Variants in SLC22A16 observed in about 807,000 individuals in gnomAD.
SLC22A16 encodes solute carrier family 22 member 16.
SLC22A16 carries 53 observed loss-of-function variants against 52.9 expected under a neutral mutation model. The ratio of observed to expected loss-of-function variants is 1.00; its 90% CI spans 0.80 to 1.26. The LOEUF (loss-of-function observed/expected upper bound fraction) is 1.26, where lower values mean the gene tolerates loss of function less well. Among genes scored for constraint, SLC22A16 ranks in the 50% most tolerant of loss-of-function variants. The pLI is 0.00. For synonymous variants in SLC22A16, 291 were observed against 268.8 expected, an observed-to-expected ratio of 1.08 and a Z score of -0.81; for missense variants, 726 against 704.0, an observed-to-expected ratio of 1.03 and a Z score of -0.35.
chr6:110,470,869 ATCTAGTTT>A (rs1776237523), intron 1 of SLC22A16, among the ~76,000 whole-genome samples: 1 of 152,228 alleles, frequency 6.6e-6, no homozygotes, highest in East Asian at 1.9e-4. Context: ...GCCCCAGGAT[ATCTAGTTT>A]TCTGGTTAAA....
chr6:110,459,353 G>A (rs1222915698), intron 1 of SLC22A16, among the ~76,000 whole-genome samples: 2 of 152,174 alleles, frequency 1.3e-5, no homozygotes, highest in Non-Finnish European at 2.9e-5. Context: ...ACGTCATGTG[G>A]ATATGCTGTA....
chr6:110,447,461 CT>C (rs1478731773), intron 2 of SLC22A16, among the ~76,000 whole-genome samples: 1 of 152,182 alleles, frequency 6.6e-6, no homozygotes, highest in Non-Finnish European at 1.5e-5. Flanking sequence ...AGAGGCATCT[CT>C]TTGTTTAAAA....
At chr6:110,460,413 A>T (rs1285550003) in intron 1 of SLC22A16, among the ~76,000 whole-genome samples, 1 of 152,196 alleles carries the variant, frequency 6.6e-6, no homozygotes, top group Non-Finnish European at 1.5e-5. Context: ...GGCAGAGAAA[A>T]GGAAAACAGC....
intron 1 of SLC22A16, among the ~76,000 whole-genome samples, chr6:110,467,719 T>C (rs1206827913): frequency 6.6e-6 from 1 of 152,274 alleles, no homozygotes; most frequent in African/African-American, 2.4e-5. Context: ...GATGTGCATG[T>C]AGACATATAA....
At chr6:110,425,225 A>T (rs1171626544) in intron 7 of SLC22A16, 140 bp from the exon 8 acceptor site, 14 of 1,518,370 alleles carry the variant, frequency 9.2e-6, no homozygotes, top group Admixed American at 2.1e-5. Flanking sequence ...ACTCGGTGAG[A>T]TCTTTGGTTA....
rs1414975058 is a variant in SLC22A16 at position 110,435,872 on chromosome 6, C to T, written c.1401G>A (p.Glu467=). The T allele has an allele frequency of 6.2e-7, 1 of 1,612,370 alleles. No homozygotes were observed. The highest frequency in any genetic ancestry group is 8.5e-7 in the Non-Finnish European group (1 of 1,179,234). ...CTTACCTTACAATGGTTGGATACAG[C>T]TCAGCTGTATAAAGATAAATGAGGC... The part of the protein sequence containing the change: ...AFGLIYLYTA[E]LYPTIVRSLA... Residue 467 remains glutamate, a synonymous_variant, in exon 6 of 8, where the codon GAG becomes GAA. Transcript: ENST00000368919.
Position 110,456,648 on chromosome 6 carries a change from C to A in SLC22A16, c.423G>T (p.Val141=). 3 of 1,614,182 alleles carry A rather than the reference C, an allele frequency of 1.9e-6. No homozygotes were observed. Among genetic ancestry groups the A allele is most frequent in the Non-Finnish European group, 2.5e-6 (3 of 1,180,044 alleles). Residue 141 remains valine, a synonymous_variant, in exon 2 of 8, where the codon GTG becomes GTT. Coordinates refer to ENST00000368919, the MANE Select transcript of SLC22A16 (RefSeq NM_033125.4). The stretch of plus-strand genomic sequence containing the variant: ...GGTCACAGACCAGGTTCCACTGGGT[C>A]ACCGCAGTGCTTTTCCATGTGTTCT... The part of the protein sequence containing the change: ...YDQNTWKSTA[V]TQWNLVCDRK...
chr6:110,442,427 C>A lies in SLC22A16; in HGVS notation c.1000G>T (p.Val334Phe). Residue 334 changes from valine to phenylalanine, a missense_variant, in exon 4 of 8, where the codon GTT becomes TTT. Val to Phe is a conservative substitution (Grantham distance 50, BLOSUM62 -1). Coordinates refer to ENST00000368919, the MANE Select transcript of SLC22A16 (RefSeq NM_033125.4). The stretch of plus-strand genomic sequence containing the variant: ...TGAACTTCAGTGGGGCTATTACTAA[C>A]AGGACCTTGTAGGTCCAGTGATAAA... The part of the protein sequence containing the change: ...ELLSLDLQGP[V>F]SNSPTEVQKH... The A allele has an allele frequency of 6.2e-7, 1 of 1,614,234 alleles. No homozygotes were observed. Among genetic ancestry groups the A allele is most frequent in the South Asian group, 1.1e-5 (1 of 91,086 alleles).
At chr6:110,457,799 G>C (rs186217295) in intron 1 of SLC22A16, among the ~76,000 whole-genome samples, 121 of 152,284 alleles carry the variant, frequency 7.9e-4, no homozygotes, top group African/African-American at 2.6e-3. Context: ...CCAGTGTCTG[G>C]AAAGATGCCC....
chr6:110,431,308 C>A (rs190658131), intron 6 of SLC22A16, 38 bp from the exon 7 acceptor site: 1 of 1,572,524 alleles, frequency 6.4e-7, no homozygotes, highest in Non-Finnish European at 8.7e-7. Context: ...AAGTAAGGCA[C>A]AAGTGACCCA....
chr6:110,440,326 G>A (rs1253002917), intron 4 of SLC22A16: 1 of 152,326 alleles, frequency 6.6e-6, no homozygotes, highest in East Asian at 1.9e-4. Context: ...GAATAGATCT[G>A]AAAGGGCACA....
intron 3 of SLC22A16, 34 bp from the exon 4 acceptor site, chr6:110,442,809 G>A (rs1411646626): frequency 6.3e-7 from 1 of 1,585,086 alleles, no homozygotes; most frequent in East Asian, 2.2e-5. Context: ...TATATTCAAG[G>A]TCACATTTAT....
chr6:110,472,037 C>T (rs2114311711), intron 1 of SLC22A16, among the ~76,000 whole-genome samples: 1 of 152,288 alleles, frequency 6.6e-6, no homozygotes. Context: ...CCCAACTTCC[C>T]ACTTGATGTC....
intron 6 of SLC22A16, among the ~76,000 whole-genome samples, chr6:110,434,643 C>A (rs935849816): frequency 3.6e-5 from 1 of 27,776 alleles, no homozygotes; most frequent in Non-Finnish European, 8.2e-5. Context: ...GCGGGTGGGG[C>A]GGGCAGGGTG....
chr6:110,461,450 C>T (rs999626271), intron 1 of SLC22A16, among the ~76,000 whole-genome samples: 5 of 152,182 alleles, frequency 3.3e-5, no homozygotes, highest in Non-Finnish European at 5.9e-5. Context: ...GAACCCCCAT[C>T]AAGGAAGGGG....
chr6:110,466,253 A>G (rs1776055122), intron 1 of SLC22A16, among the ~76,000 whole-genome samples: 1 of 152,220 alleles, frequency 6.6e-6, no homozygotes, highest in African/African-American at 2.4e-5. Context: ...CCAAGTCCTC[A>G]AAGGCAAATG....
At chr6:110,444,071 C>G (rs1775077647) in intron 3 of SLC22A16, among the ~76,000 whole-genome samples, 1 of 151,930 alleles carries the variant, frequency 6.6e-6, no homozygotes, top group African/African-American at 2.4e-5. Context: ...TATGAATGCA[C>G]TTAATATCAC....
chr6:110,431,492 T>C (rs1774503418), intron 6 of SLC22A16, among the ~76,000 whole-genome samples: 1 of 152,202 alleles, frequency 6.6e-6, no homozygotes, highest in African/African-American at 2.4e-5. Flanking sequence ...ACACAAATAT[T>C]TACCATTGTG....
chr6:110,470,731 C>T (rs754478434), intron 1 of SLC22A16, among the ~76,000 whole-genome samples: 4 of 152,110 alleles, frequency 2.6e-5, no homozygotes, highest in Non-Finnish European at 5.9e-5. Flanking sequence ...CCTGGCAGGC[C>T]TCTGAAGCTA....
Sources: gnomAD v4.1 joint callset for allele counts (sites outside exome capture counted in the v4.1 genomes callset) on GRCh38, gnomAD v4.1.1 for gene constraint, MANE v1.5 for transcripts, NCBI Gene and HGNC (gene_info 2026-07-23, HGNC 2026-07-21) for gene names.